Variants in EPHA5 observed in about 807,000 individuals in gnomAD.
EPHA5 encodes ephrin type-A receptor 5.
EPHA5 carries 60 observed loss-of-function variants against 105.0 expected under a neutral mutation model. The ratio of observed to expected loss-of-function variants is 0.57; its 90% CI spans 0.46 to 0.71. The LOEUF is 0.71. Among genes scored for constraint, EPHA5 ranks in the 30% least tolerant of loss-of-function variants. EPHA5 has a pLI of 0.00. For synonymous variants in EPHA5, 513 were observed against 449.1 expected, an observed-to-expected ratio of 1.14 and a Z score of -1.80; for missense variants, 1,218 against 1,274.7, an observed-to-expected ratio of 0.96 and a Z score of 0.68.
At chr4:65,533,767 C>G (rs1394598836) in intron 3 of EPHA5, among the ~76,000 whole-genome samples, 1 of 151,916 alleles carries the variant, frequency 6.6e-6, no homozygotes, top group African/African-American at 2.4e-5. Context: ...AACCCCATCT[C>G]TACTAAAAAT....
chr4:65,661,640 T>C (rs1451145360), intron 1 of EPHA5, among the ~76,000 whole-genome samples: 1 of 152,032 alleles, frequency 6.6e-6, no homozygotes, highest in Non-Finnish European at 1.5e-5. Context: ...CTAGTACACA[T>C]GGTGAAAGCT....
chr4:65,492,184 T>C (rs1731466760), intron 4 of EPHA5, among the ~76,000 whole-genome samples: 1 of 152,068 alleles, frequency 6.6e-6, no homozygotes. Context: ...GCATTTAAGA[T>C]TTAGCTGGAT....
At position 65,490,419 on chromosome 4, in the gene EPHA5, C is replaced by T. The variant is rs1290982378; in HGVS notation, c.1360G>A (p.Ala454Thr). 6.2e-7 allele frequency: 1 copy of T among 1,614,092 alleles called. No homozygotes were observed. The highest frequency in any genetic ancestry group is 8.5e-7 in the Non-Finnish European group (1 of 1,180,008). ...VNGVSDLSPGARQYVSVNVTT... is the reference protein window; with the variant it reads ...VNGVSDLSPGTRQYVSVNVTT... ...ACATTTACAGACACATACTGCCGGG[C>T]TCCTGGGCTCAAGTCGGACACTCCA... The change falls in exon 5 of 17, where the codon GCC becomes ACC. Residue 454 changes from alanine to threonine, a missense_variant. By Grantham distance (58) the Ala-to-Thr change is moderately conservative. Around this residue, in one of 3 missense-constraint regions of EPHA5, gnomAD observed 971 missense variants for 1,013.5 expected, o/e 0.96. Transcript: ENST00000613740.
At chr4:65,507,081 A>G (rs1733110096) in intron 3 of EPHA5, among the ~76,000 whole-genome samples, 1 of 152,204 alleles carries the variant, frequency 6.6e-6, no homozygotes, top group Non-Finnish European at 1.5e-5. Context: ...AGCTTTCTGC[A>G]TATGGCTAGT....
At chr4:65,510,707 C>T (rs1733535731) in intron 3 of EPHA5, among the ~76,000 whole-genome samples, 1 of 152,154 alleles carries the variant, frequency 6.6e-6, no homozygotes, top group Non-Finnish European at 1.5e-5. Flanking sequence ...TGAGTTTTAG[C>T]TGCCTTGGTG....
chr4:65,603,989 A>G (rs2149445079), intron 2 of EPHA5, among the ~76,000 whole-genome samples: 1 of 37,864 alleles, frequency 2.6e-5, no homozygotes, highest in East Asian at 6.3e-4. Flanking sequence ...ATAAAATGGT[A>G]AGAATTATCA....
rs530019371 is a variant in EPHA5, at chr4:65,326,079, G to A, written c.2946-1860C>T. Among the ~76,000 whole-genome samples, 11 of 147,682 alleles carry A rather than the reference G, an allele frequency of 7.4e-5. No individual in the cohort carries two copies. The East Asian group carries it at 2.2e-3, about 29-fold the overall frequency. On this transcript the variant is annotated intron_variant, in intron 16 of 16. Transcript: ENST00000613740. ...ATATATATATTCACACATATAAATT[G>A]GTGACACTTTATAAACATATTTACA...
intron 3 of EPHA5, among the ~76,000 whole-genome samples, chr4:65,526,407 T>C (rs1383872887): frequency 6.6e-6 from 1 of 151,940 alleles, no homozygotes; most frequent in Non-Finnish European, 1.5e-5. Flanking sequence ...CAGCCTCATA[T>C]ATAAAAGGCT....
intron 3 of EPHA5, among the ~76,000 whole-genome samples, chr4:65,549,241 GA>G (rs1000857234): frequency 6.6e-6 from 1 of 152,046 alleles, no homozygotes; most frequent in Non-Finnish European, 1.5e-5. Context: ...AGTCCTGAAA[GA>G]AAATAACTGG....
chr4:65,627,511 C>T (rs1463457727), intron 2 of EPHA5, among the ~76,000 whole-genome samples: 1 of 152,078 alleles, frequency 6.6e-6, no homozygotes, highest in Non-Finnish European at 1.5e-5. Context: ...AGTATCAATT[C>T]AGCAACTTCA....
intron 1 of EPHA5, among the ~76,000 whole-genome samples, chr4:65,648,487 T>C (rs1051292939): frequency 1.3e-5 from 2 of 152,336 alleles, no homozygotes; most frequent in East Asian, 1.9e-4. Flanking sequence ...TGATCCTTGA[T>C]GACATGAAGA....
chr4:65,329,024 C>A (rs1720348825), intron 16 of EPHA5, among the ~76,000 whole-genome samples: 1 of 151,180 alleles, frequency 6.6e-6, no homozygotes, highest in Admixed American at 6.6e-5. Context: ...GGATTTTGCT[C>A]ATTTTCTGAA....
chr4:65,353,640 A>G (rs1282323566), intron 11 of EPHA5, among the ~76,000 whole-genome samples: 3 of 151,786 alleles, frequency 2.0e-5, no homozygotes, highest in African/African-American at 7.2e-5. Context: ...AATGTATCCA[A>G]TAATATTCAG....
chr4:65,484,726 T>G (rs1290924503), intron 5 of EPHA5, among the ~76,000 whole-genome samples: 2 of 152,170 alleles, frequency 1.3e-5, no homozygotes, highest in Non-Finnish European at 2.9e-5. Flanking sequence ...TAAAAGAGCT[T>G]TAAGCTTAAG....
At chr4:65,372,255 T>C (rs1275561742) in intron 8 of EPHA5, among the ~76,000 whole-genome samples, 1 of 151,926 alleles carries the variant, frequency 6.6e-6, no homozygotes, top group African/African-American at 2.4e-5. Flanking sequence ...TTTCTCCAAC[T>C]AGACAAAGAT....
intron 3 of EPHA5, among the ~76,000 whole-genome samples, chr4:65,558,949 G>A (rs1387727476): frequency 1.3e-5 from 2 of 151,988 alleles, no homozygotes; most frequent in Non-Finnish European, 2.9e-5. Flanking sequence ...CAGTAATAGT[G>A]AGCATAGTAC....
chr4:65,641,375 C>CGAACAT (rs970409149), intron 2 of EPHA5, among the ~76,000 whole-genome samples: 6 of 152,034 alleles, frequency 3.9e-5, no homozygotes, highest in African/African-American at 7.2e-5. Flanking sequence ...ACAATTGACT[C>CGAACAT]GAACATTTTT....
chr4:65,560,480 A>G (rs1738898329), intron 3 of EPHA5, among the ~76,000 whole-genome samples: 1 of 152,118 alleles, frequency 6.6e-6, no homozygotes, highest in Non-Finnish European at 1.5e-5. Flanking sequence ...GAGAAATATG[A>G]CATCTTCTCC....
At chr4:65,434,162 C>T (rs1725261584) in intron 5 of EPHA5, among the ~76,000 whole-genome samples, 1 of 152,152 alleles carries the variant, frequency 6.6e-6, no homozygotes, top group Non-Finnish European at 1.5e-5. Flanking sequence ...AATATAATCA[C>T]CCTTAGATTA....
Sources: gnomAD v4.1 joint callset for allele counts (sites outside exome capture counted in the v4.1 genomes callset) on GRCh38, gnomAD v4.1.1 for gene constraint, gnomAD v4.1.1 regional missense constraint, MANE v1.5 for transcripts, NCBI Gene and HGNC (gene_info 2026-07-23, HGNC 2026-07-21) for gene names.